The following CNST variants were observed in gnomAD, a reference collection of about 807,000 sequenced individuals.
CNST encodes the protein consortin.
A neutral mutation model predicts 72.4 loss-of-function variants in CNST; 39 were observed. The observed-to-expected ratio is 0.54, with a 90% CI of 0.42 to 0.70. The LOEUF (loss-of-function observed/expected upper bound fraction) is 0.70, where lower values mean the gene tolerates loss of function less well. Among genes scored for constraint, CNST ranks in the 30% least tolerant of loss-of-function variants. The pLI, the probability that CNST is intolerant of heterozygous loss-of-function variation, is 0.00. For missense variants in CNST, 871 were observed against 868.5 expected, an observed-to-expected ratio of 1.00 and a Z score of -0.04; for synonymous variants, 332 against 320.1, an observed-to-expected ratio of 1.04 and a Z score of -0.40.
rs1322577098 is a variant in CNST, at chr1:246,665,833, C to A, written c.2106C>A (p.Asp702Glu). 4.3e-6 allele frequency: 7 copies of A among 1,613,996 alleles called. No individual in the cohort carries two copies. The South Asian group carries it at 7.7e-5, about 18-fold the overall frequency. The stretch of plus-strand genomic sequence containing the variant: ...CACCTGTTTGTACTGACTTTGCAGA[C>A]AACATGGACTTCTATTACACTAAGT... ...MESPVCTDFA[D>E]NMDFYYTKLL... The change falls in exon 11 of 11, where the codon GAC (aspartate) becomes GAA (glutamate). Residue 702 changes from aspartate (D) to glutamate (E), a missense_variant. Asp to Glu is a conservative substitution (Grantham distance 45). Coordinates refer to ENST00000366513, the MANE Select transcript of CNST (RefSeq NM_152609.3).
Position 246,652,388 on chromosome 1 carries a change from GTT to G in CNST, c.1836+4354_1836+4355del, listed in dbSNP as rs1666496658. 5.9e-5 allele frequency among the ~76,000 whole-genome samples: 9 copies of G among 152,284 alleles called. No homozygotes were observed. The South Asian group carries it at 1.9e-3, about 32-fold the overall frequency. ...TTACACACATAGAGATGAGGTAGCT[GTT>G]TTCTGAACAAGTGAGGTTGAAATTG... On this transcript the variant is annotated intron_variant, in intron 9 of 10. Transcript: ENST00000366513.
intron 9 of CNST, among the ~76,000 whole-genome samples, chr1:246,653,771 C>G (rs74504173): frequency 0.047 from 7,161 of 152,146 alleles, 548 homozygotes; most frequent in African/African-American, 0.16. Context: ...TCTTCCTGGA[C>G]TTTTGCAGTA....
chr1:246,606,543 G>T (rs750207537), intron 2 of CNST: 5 of 152,160 alleles, frequency 3.3e-5, no homozygotes, highest in Admixed American at 1.3e-4. Flanking sequence ...GTTGTCACAC[G>T]AGCATTTCCA....
chr1:246,574,992 A>T (rs1345778557), intron 1 of CNST, among the ~76,000 whole-genome samples: 1 of 150,234 alleles, frequency 6.7e-6, no homozygotes, highest in African/African-American at 2.4e-5. Flanking sequence ...TTATTTATTT[A>T]TTTATTTATT....
Position 246,587,641 on chromosome 1 carries a change from G to T in CNST, c.-51-3871G>T, listed in dbSNP as rs1321867506. Reference sequence around the variant, plus strand: ...TCTTTTGTTTATTTAAGTAAAACTTGTGTATATCTGTGCATAAGAGAAGGA... The same window carrying T: ...TCTTTTGTTTATTTAAGTAAAACTTTTGTATATCTGTGCATAAGAGAAGGA... On this transcript the variant is annotated intron_variant, in intron 1 of 10. Coordinates refer to ENST00000366513, the MANE Select transcript of CNST (RefSeq NM_152609.3). Among the ~76,000 whole-genome samples, 10 of 152,276 alleles carry T rather than the reference G, an allele frequency of 6.6e-5. 1 individual carries two copies. The highest frequency in any genetic ancestry group is 1.5e-4 in the Non-Finnish European group (10 of 68,012).
At chr1:246,627,291 G>T (rs1227787295) in intron 3 of CNST, among the ~76,000 whole-genome samples, 1 of 152,204 alleles carries the variant, frequency 6.6e-6, no homozygotes, top group East Asian at 1.9e-4. Flanking sequence ...GGCCCTACAT[G>T]ATCTTGTCCT....
intron 2 of CNST, among the ~76,000 whole-genome samples, chr1:246,605,319 T>C (rs548323550): frequency 1.4e-4 from 21 of 152,346 alleles, no homozygotes; most frequent in Non-Finnish European, 2.4e-4. Flanking sequence ...CTCACACTTA[T>C]AATCCCAGCA....
intron 1 of CNST, among the ~76,000 whole-genome samples, chr1:246,574,589 T>A (rs1476035219): frequency 1.3e-5 from 2 of 152,044 alleles, no homozygotes; most frequent in African/African-American, 4.8e-5. Context: ...TAATTTTTTT[T>A]TTTTAACTTT....
At chr1:246,625,421 T>C (rs965754685) in intron 3 of CNST, among the ~76,000 whole-genome samples, 1 of 133,678 alleles carries the variant, frequency 7.5e-6, no homozygotes, top group African/African-American at 2.8e-5. Flanking sequence ...TTTCTTTTTT[T>C]TTTTTTTTTT....
chr1:246,586,059 G>T (rs1297950192), intron 1 of CNST, among the ~76,000 whole-genome samples: 1 of 150,660 alleles, frequency 6.6e-6, no homozygotes, highest in Non-Finnish European at 1.5e-5. Flanking sequence ...CAGCCTGGGG[G>T]ACAAAGTGAG....
chr1:246,586,287 A>G (rs1661193066), intron 1 of CNST, among the ~76,000 whole-genome samples: 1 of 147,748 alleles, frequency 6.8e-6, no homozygotes, highest in East Asian at 1.9e-4. Flanking sequence ...ATATATTTCT[A>G]TATATAAGAT....
In CNST at chr1:246,647,367, C is replaced by G. The variant is rs149528217; in HGVS notation, c.1166C>G (p.Ser389Cys). The G allele has an allele frequency of 1.4e-5, 22 of 1,614,106 alleles. No individual in the cohort carries two copies. In the Admixed American group the frequency reaches 2.7e-4, roughly 20 times the overall value. Residue 389 changes from serine to cysteine, a missense_variant, in exon 9 of 11, where the codon TCT (serine) becomes TGT (cysteine). By Grantham distance (112) the Ser-to-Cys change is moderately radical. Coordinates refer to ENST00000366513, the MANE Select transcript of CNST (RefSeq NM_152609.3). Reference protein sequence around the residue: ...ETAGSPSGPDSSEDACEDDSR... With the variant: ...ETAGSPSGPDCSEDACEDDSR... ...GCAGGGAGCCCGTCTGGGCCAGACT[C>G]TTCTGAGGATGCTTGTGAGGATGAC... is the stretch of plus-strand genomic sequence containing the variant.
intron 1 of CNST, among the ~76,000 whole-genome samples, chr1:246,587,325 A>G (rs1219471179): frequency 1.3e-5 from 2 of 152,242 alleles, no homozygotes; most frequent in African/African-American, 4.8e-5. Context: ...AGAAGGTTCT[A>G]ATAAATTATT....
chr1:246,627,002 A>C (rs781291586), intron 3 of CNST, among the ~76,000 whole-genome samples: 2 of 152,176 alleles, frequency 1.3e-5, no homozygotes, highest in African/African-American at 4.8e-5. Flanking sequence ...AGTCCTGCAG[A>C]TCTACTTCAA....
intron 8 of CNST, 120 bp from the exon 9 acceptor site, chr1:246,647,019 A>C: frequency 1.1e-6 from 1 of 898,912 alleles, no homozygotes; most frequent in Non-Finnish European, 1.7e-6. Flanking sequence ...CAACAGACAG[A>C]ATTTCCATTT....
At chr1:246,601,781 C>T (rs186353296) in intron 2 of CNST, among the ~76,000 whole-genome samples, 6 of 151,872 alleles carry the variant, frequency 4.0e-5, no homozygotes, top group East Asian at 1.9e-4. Flanking sequence ...GCAACAAGAG[C>T]GAAACTCAGT....
At chr1:246,664,469 C>T (rs1354921177) in intron 10 of CNST, among the ~76,000 whole-genome samples, 1 of 151,884 alleles carries the variant, frequency 6.6e-6, no homozygotes, top group Non-Finnish European at 1.5e-5. Context: ...CCCTGTGGCC[C>T]AGGCTGGAGT....
At chr1:246,612,665 T>G (rs1021021228) in intron 2 of CNST, among the ~76,000 whole-genome samples, 1 of 152,096 alleles carries the variant, frequency 6.6e-6, no homozygotes, top group Non-Finnish European at 1.5e-5. Flanking sequence ...GGCGGGCAGA[T>G]TGCTTAAGCC....
chr1:246,605,043 C>T (rs555959557), intron 2 of CNST, among the ~76,000 whole-genome samples: 4 of 151,968 alleles, frequency 2.6e-5, no homozygotes, highest in Non-Finnish European at 4.4e-5. Flanking sequence ...TTCAGACATA[C>T]GAGAAAATCA....
Sources: allele counts gnomAD v4.1 joint callset (sites outside exome capture counted in the v4.1 genomes callset), GRCh38; gene constraint gnomAD v4.1.1; transcripts MANE v1.5; gene names NCBI Gene and HGNC (gene_info 2026-07-23, HGNC 2026-07-21).